Variants in ZFAND6 observed in about 807,000 individuals in gnomAD.
The protein encoded by ZFAND6 is zinc finger AN1-type containing 6, also known as AN1-type zinc finger protein 6.
In ZFAND6, 12 loss-of-function variants were observed where a neutral mutation model predicts 24.5. The observed-to-expected ratio is 0.49, with a 90% confidence interval of 0.31 to 0.79. ZFAND6 has a LOEUF of 0.79. Among genes scored for constraint, ZFAND6 ranks in the 30% least tolerant of loss-of-function variants. The pLI is 0.04. For missense variants in ZFAND6, 207 were observed against 245.9 expected, an observed-to-expected ratio of 0.84 and a Z score of 1.06; for synonymous variants, 92 against 81.5, an observed-to-expected ratio of 1.13 and a Z score of -0.69.
intron 2 of ZFAND6, among the ~76,000 whole-genome samples, chr15:80,115,998 T>C (rs1157407718): frequency 1.3e-5 from 2 of 152,128 alleles, no homozygotes; most frequent in Non-Finnish European, 2.9e-5. Context: ...TACACTTTAA[T>C]GTTGTTAATA....
chr15:80,080,925 T>C (rs879562754), intron 1 of ZFAND6, among the ~76,000 whole-genome samples: 2 of 152,210 alleles, frequency 1.3e-5, no homozygotes, highest in Non-Finnish European at 2.9e-5. Flanking sequence ...AAGCTATTCA[T>C]GAGAACTCCT....
In ZFAND6 at chr15:80,122,784, A is replaced by C. The variant is rs146488669; in HGVS notation, c.348A>C (p.Glu116Asp). ...DSTSVDKAVP[E>D]TEDVQASVSD... ...CATCTGTGGACAAAGCAGTACCTGA[A>C]ACAGAAGATGTGCAGGGTTTGTATA... The change falls in exon 5 of 7, where the codon GAA becomes GAC. Residue 116 changes from glutamate to aspartate, a missense_variant. Around this residue, in one of 3 missense-constraint regions of ZFAND6, gnomAD observed 133 missense variants for 122.8 expected, o/e 1.08. Coordinates refer to ENST00000261749, the MANE Select transcript of ZFAND6 (RefSeq NM_019006.4). The C allele has an allele frequency of 5.3e-5, 85 of 1,612,664 alleles. No homozygotes were observed. Among genetic ancestry groups the C allele is most frequent in the Non-Finnish European group, 7.0e-5 (83 of 1,179,012 alleles).
chr15:80,089,451 T>TGC (rs2038213307), intron 1 of ZFAND6, among the ~76,000 whole-genome samples: 2 of 151,922 alleles, frequency 1.3e-5, no homozygotes, highest in African/African-American at 2.4e-5. Flanking sequence ...AGATGGGGTT[T>TGC]TGCCATGTTT....
At chr15:80,123,584 C>G (rs1489014355) in intron 5 of ZFAND6, among the ~76,000 whole-genome samples, 1 of 152,172 alleles carries the variant, frequency 6.6e-6, no homozygotes, top group African/African-American at 2.4e-5. Flanking sequence ...GATACATCTG[C>G]CAATCCTAGT....
rs201030333 is a variant in ZFAND6, at chr15:80,138,208, CTT to C, written c.*587_*588del. ...GAGATTGTAAGTTTGTGTGTTTAAA[CTT>C]TTTTTTGAGCGAGGGAAGAAAAAGC... is the stretch of plus-strand genomic sequence containing the variant. On this transcript the variant is annotated 3_prime_UTR_variant, in exon 7 of 7. Coordinates refer to ENST00000261749, the MANE Select transcript of ZFAND6 (RefSeq NM_019006.4). The C allele has an allele frequency of 6.6e-6, 1 of 152,426 alleles. No homozygotes were observed. The highest frequency in any genetic ancestry group is 6.6e-5 in the Admixed American group (1 of 15,256). The allele number at this position is 152,426 out of a possible 1,614,324, so 9.4% of individuals were successfully genotyped here. A position where few individuals can be genotyped will look rare whatever the true frequency, so the allele number is the denominator to read the frequency against.
At chr15:80,073,799 C>T (rs749641711) in intron 1 of ZFAND6, among the ~76,000 whole-genome samples, 2 of 151,810 alleles carry the variant, frequency 1.3e-5, no homozygotes, top group African/African-American at 2.4e-5. Flanking sequence ...GTTTTCATTT[C>T]AGTAACTATG....
intron 2 of ZFAND6, among the ~76,000 whole-genome samples, chr15:80,101,177 T>C (rs924913250): frequency 2.6e-5 from 4 of 152,132 alleles, no homozygotes; most frequent in African/African-American, 9.7e-5. Flanking sequence ...AAATCTTTAC[T>C]CCCGGCTGGG....
intron 1 of ZFAND6, among the ~76,000 whole-genome samples, chr15:80,094,720 A>G (rs1412514933): frequency 6.6e-6 from 1 of 152,166 alleles, no homozygotes; most frequent in Non-Finnish European, 1.5e-5. Context: ...TTATTAAATT[A>G]AGGAAATATG....
intron 1 of ZFAND6, among the ~76,000 whole-genome samples, chr15:80,079,228 C>CT (rs1028365979): frequency 1.1e-3 from 163 of 150,906 alleles, no homozygotes; most frequent in African/African-American, 3.4e-3. Context: ...TCTTTCTTTC[C>CT]TTTTTTTTTG....
At chr15:80,087,895 C>A (rs2038099563) in intron 1 of ZFAND6, among the ~76,000 whole-genome samples, 1 of 152,066 alleles carries the variant, frequency 6.6e-6, no homozygotes, top group Non-Finnish European at 1.5e-5. Context: ...TATGCACATA[C>A]TATATATGCA....
chr15:80,127,166 A>T (rs551893361), intron 5 of ZFAND6, among the ~76,000 whole-genome samples: 4 of 152,210 alleles, frequency 2.6e-5, no homozygotes, highest in African/African-American at 9.6e-5. Context: ...CTTTGAAATC[A>T]TATATGTGAT....
intron 1 of ZFAND6, among the ~76,000 whole-genome samples, chr15:80,065,537 ATTTTTTTTTTTTTTT>A (rs149756891): frequency 6.5e-5 from 5 of 76,506 alleles, no homozygotes; most frequent in Non-Finnish European, 9.6e-5. Flanking sequence ...TTTGGTTTTG[ATTTTTTTTTTTTTTT>A]TTTTTTTTTT....
At chr15:80,087,903 G>A (rs989731424) in intron 1 of ZFAND6, among the ~76,000 whole-genome samples, 1 of 151,966 alleles carries the variant, frequency 6.6e-6, no homozygotes, top group Non-Finnish European at 1.5e-5. Context: ...TACTATATAT[G>A]CATTGTATAT....
intron 1 of ZFAND6, among the ~76,000 whole-genome samples, chr15:80,069,333 G>T (rs1209040438): frequency 6.6e-6 from 1 of 151,910 alleles, no homozygotes; most frequent in Non-Finnish European, 1.5e-5. Context: ...TTTTTATTTT[G>T]CATTAATCAG....
intron 1 of ZFAND6, chr15:80,060,338 A>T (rs550301216): frequency 6.6e-6 from 1 of 152,126 alleles, no homozygotes; most frequent in Admixed American, 6.5e-5. Context: ...GGCACCGGGA[A>T]GGGAATTGGT....
At chr15:80,074,503 TTTAC>T (rs1461593011) in intron 1 of ZFAND6, among the ~76,000 whole-genome samples, 11 of 151,892 alleles carry the variant, frequency 7.2e-5, no homozygotes, top group Admixed American at 7.2e-4. Flanking sequence ...GCCAGTTAAC[TTTAC>T]CTGTCTCAAA....
chr15:80,108,210 T>C (rs1045884521), intron 2 of ZFAND6, among the ~76,000 whole-genome samples: 4 of 152,138 alleles, frequency 2.6e-5, no homozygotes, highest in South Asian at 4.1e-4. Flanking sequence ...AGAAAAGATA[T>C]AAATTTAGAG....
At chr15:80,066,829 G>A (rs372434755) in intron 1 of ZFAND6, among the ~76,000 whole-genome samples, 25 of 150,886 alleles carry the variant, frequency 1.7e-4, no homozygotes, top group African/African-American at 5.8e-4. Context: ...ACTTAGAGGC[G>A]GAGGTTGCAG....
intron 2 of ZFAND6, among the ~76,000 whole-genome samples, chr15:80,101,408 A>G (rs1440149668): frequency 5.9e-5 from 9 of 152,146 alleles, no homozygotes; most frequent in Admixed American, 5.9e-4. Flanking sequence ...GGTTGCACTG[A>G]GTGGAAATTG....
Sources: allele counts gnomAD v4.1 joint callset (sites outside exome capture counted in the v4.1 genomes callset), GRCh38; gene constraint gnomAD v4.1.1; regional missense constraint gnomAD v4.1.1; transcripts MANE v1.5; gene names NCBI Gene and HGNC (gene_info 2026-07-23, HGNC 2026-07-21).